TTPAL: variants seen among roughly 807,000 people sequenced by gnomAD.
TTPAL encodes alpha-tocopherol transfer protein-like.
Under a neutral mutation model 28.7 loss-of-function variants are expected in TTPAL, and 21 were observed. The ratio of observed to expected loss-of-function variants is 0.73; its 90% CI spans 0.52 to 1.06. The LOEUF (loss-of-function observed/expected upper bound fraction) is 1.06. TTPAL is among the 50% of genes least tolerant of loss of function. The probability of loss-of-function intolerance (pLI) is 0.00; values close to 1 mark genes in which losing one functional copy is unlikely to be tolerated. For synonymous variants in TTPAL, 169 were observed against 171.9 expected, an observed-to-expected ratio of 0.98 and a Z score of 0.13; for missense variants, 345 against 425.5, an observed-to-expected ratio of 0.81 and a Z score of 1.67.
intron 1 of TTPAL, 34 bp from the exon 2 acceptor site, chr20:44,479,951 T>C (rs2064086042): frequency 6.4e-7 from 1 of 1,559,312 alleles, no homozygotes; most frequent in Admixed American, 1.7e-5. Flanking sequence ...AAATAAGCAC[T>C]TGTTAACTTT....
Position 44,484,348 on chromosome 20 carries a change from C to A in TTPAL, c.457C>A (p.Pro153Thr). 1 of 1,572,856 alleles carries A rather than the reference C, an allele frequency of 6.4e-7. No homozygotes were observed. The highest frequency in any genetic ancestry group is 8.7e-7 in the Non-Finnish European group (1 of 1,147,564). The change falls in exon 3 of 5, where the codon CCA becomes ACA. Residue 153 changes from proline to threonine, a missense_variant. By Grantham distance (38) the Pro-to-Thr change is conservative. Coordinates refer to ENST00000262605, the MANE Select transcript of TTPAL (RefSeq NM_001039199.3). Reference sequence around the variant, plus strand: ...TCTTATGACCTTAGACAGATGGATACCAAGCAACTATCCAATTACTGAAAA... The same window carrying A: ...TCTTATGACCTTAGACAGATGGATAACAAGCAACTATCCAATTACTGAAAA... ...VVCIRPDRWI[P>T]SNYPITENIR...
Position 44,490,458 on chromosome 20 carries a change from A to G in TTPAL, c.*917A>G, listed in dbSNP as rs139301371. 107 of 152,464 alleles carry G rather than the reference A, an allele frequency of 7.0e-4. No individual in the cohort carries two copies. Among genetic ancestry groups the G allele is most frequent in the African/African-American group, 2.4e-3 (99 of 41,582 alleles). 9.4% of individuals were successfully genotyped at this position (152,464 alleles called of 1,614,324 possible). ...CTGCTGAGGCTCTGGGATTTGGTTT[A>G]GTTACTGAATGTTAGATTTTCTGCC... On this transcript the variant is annotated 3_prime_UTR_variant, in exon 5 of 5. Coordinates refer to ENST00000262605, the MANE Select transcript of TTPAL (RefSeq NM_001039199.3).
intron 4 of TTPAL, 130 bp downstream of exon 4, chr20:44,486,836 AAATG>A (rs1197350822): frequency 6.7e-6 from 4 of 597,086 alleles, no homozygotes; most frequent in Non-Finnish European, 1.2e-5. Flanking sequence ...CAGATAAAAT[AAATG>A]AACAGTCCCT....
rs2064230375 is a variant in TTPAL, at chr20:44,493,899, G to A, written c.*4358G>A. 1 of 152,244 alleles carries A rather than the reference G, an allele frequency of 6.6e-6. No homozygotes were observed. The highest frequency in any genetic ancestry group is 1.5e-5 in the Non-Finnish European group (1 of 68,152). The allele number at this position is 152,244 out of a possible 1,614,324, so 9.4% of individuals were successfully genotyped here. A position where few individuals can be genotyped will look rare whatever the true frequency, so the allele number is the denominator to read the frequency against. Reference sequence around the variant, plus strand: ...TAAAAAGTACAAAAATTAGCTGGGTGTGGTGGTGCGTGCCTGTAATCCCAA... The same window carrying A: ...TAAAAAGTACAAAAATTAGCTGGGTATGGTGGTGCGTGCCTGTAATCCCAA... On this transcript the variant is annotated 3_prime_UTR_variant, in exon 5 of 5. Transcript: ENST00000262605.
chr20:44,476,623 T>A (rs1418876659), intron 1 of TTPAL, among the ~76,000 whole-genome samples: 1 of 152,200 alleles, frequency 6.6e-6, no homozygotes, highest in Non-Finnish European at 1.5e-5. Flanking sequence ...GTCCTTTTTG[T>A]CCTCCTTTGT....
rs1442050281 is a variant in TTPAL at position 44,490,702 on chromosome 20, A to T, written c.*1161A>T. The T allele has an allele frequency of 6.6e-6, 1 of 152,332 alleles. No individual in the cohort carries two copies. The highest frequency in any genetic ancestry group is 1.5e-5 in the Non-Finnish European group (1 of 68,044). The allele number at this position is 152,332 out of a possible 1,614,324, so 9.4% of individuals were successfully genotyped here. ...CAGGTTAAGGTGACCAGGATCTTGT[A>T]TGATGAATTCCTTCCATCCCTGAGA... On this transcript the variant is annotated 3_prime_UTR_variant, in exon 5 of 5. Coordinates refer to ENST00000262605, the MANE Select transcript of TTPAL (RefSeq NM_001039199.3).
chr20:44,480,521 T>G lies in TTPAL; in HGVS notation c.445+77T>G. 1 of 1,398,476 alleles carries G rather than the reference T, an allele frequency of 7.2e-7. No homozygotes were observed. Among genetic ancestry groups the G allele is most frequent in the Non-Finnish European group, 9.6e-7 (1 of 1,039,140 alleles). The allele number at this position is 1,398,476 out of a possible 1,614,324, so 86.6% of individuals were successfully genotyped here. ...GTCCATTCAGCACCCTGTCCTCCTT[T>G]CCAAGTCCCTTTTTTACCCCTCCTT... is the stretch of plus-strand genomic sequence containing the variant. On this transcript the variant is annotated intron_variant, in intron 2 of 4. Coordinates refer to ENST00000262605, the MANE Select transcript of TTPAL (RefSeq NM_001039199.3). The surrounding 1 kb of genome is among the most constrained non-coding windows in gnomAD (Gnocchi z 4.1).
At chr20:44,487,548 G>C (rs1318373284) in intron 4 of TTPAL, among the ~76,000 whole-genome samples, 1 of 152,180 alleles carries the variant, frequency 6.6e-6, no homozygotes, top group Non-Finnish European at 1.5e-5. Flanking sequence ...TTGTCCCACT[G>C]TACAGTTTGT....
chr20:44,489,729 A>AGT lies in TTPAL; in HGVS notation c.*188_*189insGT. The AGT allele has an allele frequency of 1.7e-6, 1 of 599,850 alleles. No homozygotes were observed. The highest frequency in any genetic ancestry group is 2.9e-6 in the Non-Finnish European group (1 of 348,336). 37.2% of individuals were successfully genotyped at this position (599,850 alleles called of 1,614,324 possible). A position where few individuals can be genotyped will look rare whatever the true frequency, so the allele number is the denominator to read the frequency against. On this transcript the variant is annotated 3_prime_UTR_variant, in exon 5 of 5. Coordinates refer to ENST00000262605, the MANE Select transcript of TTPAL (RefSeq NM_001039199.3). ...TTTGGTTACTTTAATTACTCCATGG[A>AGT]AGACATGGAAAATGTCCCCACTGAT...
chr20:44,478,384 T>A (rs901069406), intron 1 of TTPAL, among the ~76,000 whole-genome samples: 13 of 152,212 alleles, frequency 8.5e-5, no homozygotes, highest in Non-Finnish European at 1.6e-4. Context: ...GAGTCCTATG[T>A]CTCACTAAAT....
intron 1 of TTPAL, among the ~76,000 whole-genome samples, chr20:44,479,433 G>C (rs1048740981): frequency 1.8e-5 from 2 of 109,938 alleles, no homozygotes; most frequent in African/African-American, 6.8e-5. Context: ...TTTTTTGAGA[G>C]TCTTGCTGTG....
rs1217534386 is a variant in TTPAL at position 44,491,288 on chromosome 20, CAAATT to C, written c.*1749_*1753del. The C allele has an allele frequency of 1.3e-5, 2 of 151,996 alleles. No homozygotes were observed. Among genetic ancestry groups the C allele is most frequent in the African/African-American group, 4.8e-5 (2 of 41,342 alleles). 9.4% of individuals were successfully genotyped at this position (151,996 alleles called of 1,614,324 possible). The stretch of plus-strand genomic sequence containing the variant: ...AAGATTTTAGCCTTAGCCCAAACAT[CAAATT>C]AGACGGTTCACATGATGGTTTTTGA... On this transcript the variant is annotated 3_prime_UTR_variant, in exon 5 of 5. Coordinates refer to ENST00000262605, the MANE Select transcript of TTPAL (RefSeq NM_001039199.3).
intron 2 of TTPAL, among the ~76,000 whole-genome samples, chr20:44,481,014 A>G (rs2122804624): frequency 6.6e-6 from 1 of 152,340 alleles, no homozygotes; most frequent in South Asian, 2.1e-4. Flanking sequence ...CTTTGTGAAT[A>G]GGTTGAGGTA....
At chr20:44,479,771 C>T (rs1320893357) in intron 1 of TTPAL, among the ~76,000 whole-genome samples, 1 of 152,136 alleles carries the variant, frequency 6.6e-6, no homozygotes, top group Non-Finnish European at 1.5e-5. Flanking sequence ...GTATAGTCTG[C>T]TGTAGCTGCT....
At chr20:44,481,022 G>A (rs1258937910) in intron 2 of TTPAL, among the ~76,000 whole-genome samples, 2 of 152,218 alleles carry the variant, frequency 1.3e-5, no homozygotes, top group African/African-American at 2.4e-5. Flanking sequence ...ATAGGTTGAG[G>A]TACAGGTATC....
At position 44,493,989 on chromosome 20, in the gene TTPAL, G is replaced by A. The variant is rs1371921949; in HGVS notation, c.*4448G>A. Reference sequence around the variant, plus strand: ...GGAGGCAGCGGTTGCAGTAAGCCAAGACTATGCCACTGCACTCCCGCCTGG... The same window carrying A: ...GGAGGCAGCGGTTGCAGTAAGCCAAAACTATGCCACTGCACTCCCGCCTGG... On this transcript the variant is annotated 3_prime_UTR_variant, in exon 5 of 5. Transcript: ENST00000262605. 1 of 152,296 alleles carries A rather than the reference G, an allele frequency of 6.6e-6. No homozygotes were observed. Among genetic ancestry groups the A allele is most frequent in the African/African-American group, 2.4e-5 (1 of 41,428 alleles). The allele number at this position is 152,296 out of a possible 1,614,324, so 9.4% of individuals were successfully genotyped here. A position where few individuals can be genotyped will look rare whatever the true frequency, so the allele number is the denominator to read the frequency against.
chr20:44,491,101 T>G lies in TTPAL; in HGVS notation c.*1560T>G, dbSNP rs1420909571. On this transcript the variant is annotated 3_prime_UTR_variant, in exon 5 of 5. Coordinates refer to ENST00000262605, the MANE Select transcript of TTPAL (RefSeq NM_001039199.3). ...AAAAAAAAAAAAAAAAAAAAAAAATTTTTTTTTTTTTGGTCTCTGGAAATG... is the reference window on the plus strand; with the variant it reads ...AAAAAAAAAAAAAAAAAAAAAAAATGTTTTTTTTTTTGGTCTCTGGAAATG... The G allele has an allele frequency of 2.3e-5, 3 of 130,346 alleles. No homozygotes were observed. The Admixed American group carries it at 2.4e-4, about 10-fold the overall frequency. 8.1% of individuals were successfully genotyped at this position (130,346 alleles called of 1,614,324 possible).
chr20:44,489,627 G>GTCTTGCTCCTTGTAA lies in TTPAL; in HGVS notation c.*88_*102dup, dbSNP rs2064186511. On this transcript the variant is annotated 3_prime_UTR_variant, in exon 5 of 5. Transcript: ENST00000262605. ...GAGAATTTAAGGGTCCATGGATTCA[G>GTCTTGCTCCTTGTAA]TCTTGCTCCTTGTAATTAAACTGCA... The GTCTTGCTCCTTGTAA allele has an allele frequency of 1.4e-6, 2 of 1,392,748 alleles. No individual in the cohort carries two copies. Among genetic ancestry groups the GTCTTGCTCCTTGTAA allele is most frequent in the South Asian group, 2.9e-5 (2 of 68,720 alleles). 86.3% of individuals were successfully genotyped at this position (1,392,748 alleles called of 1,614,324 possible).
chr20:44,487,791 C>CG (rs926787812), intron 4 of TTPAL, among the ~76,000 whole-genome samples: 14 of 152,094 alleles, frequency 9.2e-5, no homozygotes, highest in Admixed American at 2.6e-4. Flanking sequence ...TTTTTTGAGA[C>CG]GGAGTCTCGC....
Sources: allele counts gnomAD v4.1 joint callset (sites outside exome capture counted in the v4.1 genomes callset), GRCh38; gene constraint gnomAD v4.1.1; non-coding constraint Gnocchi (gnomAD v3.1); transcripts MANE v1.5; gene names NCBI Gene and HGNC (gene_info 2026-07-23, HGNC 2026-07-21).